NPR3: variants seen among roughly 807,000 people sequenced by gnomAD.
NPR3 encodes the protein atrial natriuretic peptide receptor 3.
In NPR3, 34 loss-of-function variants were observed where a neutral mutation model predicts 54.5. That is an observed-to-expected ratio of 0.62 (90% confidence interval 0.47 to 0.83). The LOEUF is 0.83. Ranked by LOEUF, NPR3 falls within the 40% of genes least tolerant of loss-of-function variation. NPR3 has a pLI of 0.00. For synonymous variants in NPR3, 289 were observed against 297.1 expected (o/e 0.97, Z 0.28); for missense variants, 674 against 720.8 (o/e 0.94, Z 0.74).
At chr5:32,778,042 G>A (rs1027706944) in intron 4 of NPR3, among the ~76,000 whole-genome samples, 2 of 152,132 alleles carry the variant, frequency 1.3e-5, no homozygotes, top group African/African-American at 2.4e-5. Context: ...GGATGCTGGA[G>A]GGCGCCACTG....
At position 32,787,239 on chromosome 5, in the gene NPR3, A is replaced by G. The variant is rs916836283; in HGVS notation, c.*894A>G. On this transcript the variant is annotated 3_prime_UTR_variant, in exon 8 of 8. Coordinates refer to ENST00000265074, the MANE Select transcript of NPR3 (RefSeq NM_001204375.2). ...CCCTTTTTCCCTTGGCCACAGCCAA[A>G]TGCTAATTGCTGCTTTAATTACAGA... 4 of 152,592 alleles carry G rather than the reference A, an allele frequency of 2.6e-5. No individual in the cohort carries two copies. Among genetic ancestry groups the G allele is most frequent in the African/African-American group, 9.7e-5 (4 of 41,450 alleles). 9.5% of individuals were successfully genotyped at this position (152,592 alleles called of 1,614,324 possible). A position where few individuals can be genotyped will look rare whatever the true frequency, so the allele number is the denominator to read the frequency against.
At chr5:32,756,366 T>A (rs1019858860) in intron 3 of NPR3, among the ~76,000 whole-genome samples, 3 of 152,240 alleles carry the variant, frequency 2.0e-5, no homozygotes, top group African/African-American at 7.2e-5. Context: ...ATGATGAGCA[T>A]TTTTTCATGT....
In NPR3 at chr5:32,712,136, G is replaced by A; in HGVS notation, c.360G>A (p.Val120=). 2 of 1,613,562 alleles carry A rather than the reference G, an allele frequency of 1.2e-6. No individual in the cohort carries two copies. The highest frequency in any genetic ancestry group is 1.3e-5 in the African/African-American group (1 of 75,068). The change falls in exon 1 of 8, where the codon GTG becomes GTA. Residue 120 remains valine (V), a synonymous_variant. Transcript: ENST00000265074. ...NRALFSLVDR[V]AAARGAKPDL... is the part of the protein sequence containing the mutation. ...CGCTCTTCAGCTTGGTGGACCGCGT[G>A]GCGGCGGCGCGGGGCGCCAAGCCAG... is the stretch of plus-strand genomic sequence containing the variant.
At chr5:32,721,462 A>T (rs997444551) in intron 1 of NPR3, among the ~76,000 whole-genome samples, 4 of 152,100 alleles carry the variant, frequency 2.6e-5, no homozygotes, top group African/African-American at 7.2e-5. Context: ...GGCCAACATG[A>T]CAAAACTCTA....
Position 32,782,188 on chromosome 5 carries a change from A to G in NPR3, c.1291-705A>G, listed in dbSNP as rs3811955. On this transcript the variant is annotated intron_variant, in intron 5 of 7. Coordinates refer to ENST00000265074, the MANE Select transcript of NPR3 (RefSeq NM_001204375.2). ...GGGGTGCACATAGGGTGGGTTCATC[A>G]GAGAGGAGAGTGCAACTCTTGAAGA... 2.8e-4 allele frequency among the ~76,000 whole-genome samples: 43 copies of G among 152,320 alleles called. 1 individual carries two copies. The East Asian group carries it at 8.1e-3, about 29-fold the overall frequency.
chr5:32,777,713 G>A (rs886198025), intron 4 of NPR3, among the ~76,000 whole-genome samples: 65 of 152,254 alleles, frequency 4.3e-4, no homozygotes, highest in African/African-American at 1.5e-3. Context: ...TCTCTCTAGT[G>A]GATGCCATGT....
At chr5:32,785,438 A>G (rs1325898976) in intron 7 of NPR3, among the ~76,000 whole-genome samples, 1 of 152,176 alleles carries the variant, frequency 6.6e-6, no homozygotes, top group Non-Finnish European at 1.5e-5. Flanking sequence ...GGTGTGAGCC[A>G]CTGTGTCTAG....
intron 1 of NPR3, among the ~76,000 whole-genome samples, chr5:32,722,018 C>T (rs1738891001): frequency 6.6e-6 from 1 of 152,180 alleles, no homozygotes; most frequent in Non-Finnish European, 1.5e-5. Context: ...CTACCAAAGG[C>T]CCCATCTCCA....
chr5:32,710,374 A>C, upstream of NPR3: 1 of 204,676 alleles, frequency 4.9e-6, no homozygotes, highest in Non-Finnish European at 9.7e-6. Flanking sequence ...CAGTCCCTTT[A>C]TTTAGGTACC....
intron 3 of NPR3, among the ~76,000 whole-genome samples, chr5:32,744,567 A>G (rs1218478066): frequency 1.3e-5 from 2 of 152,242 alleles, no homozygotes; most frequent in Non-Finnish European, 2.9e-5. Flanking sequence ...GGTGCTTACC[A>G]ATGATGAATA....
At chr5:32,764,788 CAAAAAAAAAAAAAAAA>C (rs568944478) in intron 3 of NPR3, among the ~76,000 whole-genome samples, 6 of 36,490 alleles carry the variant, frequency 1.6e-4, no homozygotes, top group East Asian at 9.9e-4. Context: ...GGGTCCATCT[CAAAAAAAAAAAAAAAA>C]AAAAAAAAAA....
chr5:32,713,517 A>C (rs1451143091), intron 1 of NPR3: 2 of 944,316 alleles, frequency 2.1e-6, no homozygotes, highest in African/African-American at 1.8e-5. Flanking sequence ...GATTAGGAGC[A>C]CTGCGATGAG....
At chr5:32,718,996 A>AGT (rs1462957743) in intron 1 of NPR3, among the ~76,000 whole-genome samples, 55 of 152,298 alleles carry the variant, frequency 3.6e-4, no homozygotes, top group South Asian at 1.4e-3. Context: ...GGTTTGTCAT[A>AGT]AATAGCTCTT....
intron 2 of NPR3, among the ~76,000 whole-genome samples, chr5:32,731,913 T>G (rs1326337592): frequency 6.6e-6 from 1 of 152,060 alleles, no homozygotes; most frequent in Non-Finnish European, 1.5e-5. Context: ...TCCAAGCTGG[T>G]TCTGTTTTCC....
upstream of NPR3, chr5:32,709,410 T>TA: frequency 9.4e-6 from 1 of 106,672 alleles, no homozygotes; most frequent in Non-Finnish European, 1.8e-5. Flanking sequence ...GTTCTTTTTC[T>TA]TTTTTTTTTT....
At chr5:32,728,021 T>C (rs1419345510) in intron 2 of NPR3, among the ~76,000 whole-genome samples, 2 of 152,250 alleles carry the variant, frequency 1.3e-5, no homozygotes, top group Non-Finnish European at 2.9e-5. Context: ...ACCTGTTCTC[T>C]TAATACATTT....
Position 32,789,164 on chromosome 5 carries a change from C to A in NPR3, c.*2819C>A. The A allele has an allele frequency of 4.9e-6, 1 of 204,160 alleles. No homozygotes were observed. The highest frequency in any genetic ancestry group is 1.0e-5 in the Non-Finnish European group (1 of 98,604). The allele number at this position is 204,160 out of a possible 1,614,324, so 12.6% of individuals were successfully genotyped here. A position where few individuals can be genotyped will look rare whatever the true frequency, so the allele number is the denominator to read the frequency against. On this transcript the variant is annotated 3_prime_UTR_variant, in exon 8 of 8. Transcript: ENST00000265074. ...TCAGATTTCAAAAAGGATAATTTATCAGTATTTTCTCATCCAGTCAAACTT... is the reference window on the plus strand; with the variant it reads ...TCAGATTTCAAAAAGGATAATTTATAAGTATTTTCTCATCCAGTCAAACTT...
chr5:32,781,132 G>A (rs1742318923), intron 5 of NPR3, among the ~76,000 whole-genome samples: 1 of 152,060 alleles, frequency 6.6e-6, no homozygotes, highest in Non-Finnish European at 1.5e-5. Context: ...AGGGGGAGTG[G>A]GAGGGTGGGT....
At position 32,724,825 on chromosome 5, in the gene NPR3, C is replaced by G. The variant is rs947419812; in HGVS notation, c.892+5C>G. On this transcript the variant is annotated splice_donor_5th_base_variant and intron_variant, in intron 2 of 7. Coordinates refer to ENST00000265074, the MANE Select transcript of NPR3 (RefSeq NM_001204375.2). ...TCTTCAACAGCTCTTCCTATGGTAACTCTGCTTCCACTTTCCCCTCCTCTG... is the reference window on the plus strand; with the variant it reads ...TCTTCAACAGCTCTTCCTATGGTAAGTCTGCTTCCACTTTCCCCTCCTCTG... 1.2e-6 allele frequency: 2 copies of G among 1,613,706 alleles called. No individual in the cohort carries two copies. Among genetic ancestry groups the G allele is most frequent in the Non-Finnish European group, 8.5e-7 (1 of 1,179,870 alleles).
Sources: gnomAD v4.1 joint callset for allele counts (sites outside exome capture counted in the v4.1 genomes callset) on GRCh38, gnomAD v4.1.1 for gene constraint, MANE v1.5 for transcripts, NCBI Gene and HGNC (gene_info 2026-07-23, HGNC 2026-07-21) for gene names.